Variants in MACROD2 observed in about 807,000 individuals in gnomAD.
MACROD2 encodes mono-ADP ribosylhydrolase 2.
A neutral mutation model predicts 70.4 loss-of-function variants in MACROD2; 36 were observed. That is an observed-to-expected ratio of 0.51 (90% CI 0.39 to 0.68). The LOEUF (loss-of-function observed/expected upper bound fraction) is 0.68, where lower values mean the gene tolerates loss of function less well. MACROD2 is among the 30% of genes least tolerant of loss of function. MACROD2 has a pLI of 0.00. For missense variants in MACROD2, 496 were observed against 538.4 expected (o/e 0.92, Z 0.78); for synonymous variants, 172 against 178.8 (o/e 0.96, Z 0.30).
intron 6 of MACROD2, among the ~76,000 whole-genome samples, chr20:15,291,877 T>C (rs540594648): frequency 6.6e-6 from 1 of 152,318 alleles, no homozygotes; most frequent in East Asian, 1.9e-4. Flanking sequence ...CTACTACTAA[T>C]AACCAATGCA....
At chr20:14,338,370 A>G (rs1457423547) in intron 3 of MACROD2, among the ~76,000 whole-genome samples, 3 of 152,182 alleles carry the variant, frequency 2.0e-5, no homozygotes, top group Non-Finnish European at 2.9e-5. Flanking sequence ...TCCATCTCCA[A>G]TATATGTATA....
chr20:15,980,861 G>A (rs1195447382), intron 13 of MACROD2, among the ~76,000 whole-genome samples: 13 of 152,092 alleles, frequency 8.5e-5, no homozygotes, highest in Admixed American at 4.6e-4. Context: ...AGGCTTGACC[G>A]GTTTTATTAG....
At chr20:14,752,131 A>G (rs2071880813) in intron 5 of MACROD2, among the ~76,000 whole-genome samples, 1 of 141,116 alleles carries the variant, frequency 7.1e-6, no homozygotes, top group African/African-American at 2.7e-5. Context: ...AGTGTTATCC[A>G]TGATTCTGGA....
chr20:14,371,983 C>T (rs1172138891), intron 3 of MACROD2, among the ~76,000 whole-genome samples: 1 of 152,124 alleles, frequency 6.6e-6, no homozygotes, highest in Non-Finnish European at 1.5e-5. Context: ...CCCCAGCATT[C>T]ATAATAGTTT....
chr20:14,429,618 G>T (rs1361899226), intron 3 of MACROD2, among the ~76,000 whole-genome samples: 1 of 152,162 alleles, frequency 6.6e-6, no homozygotes, highest in Non-Finnish European at 1.5e-5. Context: ...TTATAGCTGT[G>T]GATGGTTCTT....
chr20:15,873,677 A>T (rs2064619043), intron 9 of MACROD2, among the ~76,000 whole-genome samples: 1 of 152,032 alleles, frequency 6.6e-6, no homozygotes, highest in African/African-American at 2.4e-5. Context: ...TTTAAAATAT[A>T]TAAAAAAGAA....
At chr20:15,310,734 T>C (rs190424122) in intron 6 of MACROD2, among the ~76,000 whole-genome samples, 1 of 152,032 alleles carries the variant, frequency 6.6e-6, no homozygotes, top group African/African-American at 2.4e-5. Flanking sequence ...AGTCCTCAGA[T>C]AAGGGAAAGG....
chr20:14,096,148 AT>A (rs1446693064), intron 3 of MACROD2, among the ~76,000 whole-genome samples: 1 of 152,108 alleles, frequency 6.6e-6, no homozygotes, highest in Non-Finnish European at 1.5e-5. Context: ...AGAGTGGATT[AT>A]TTTTTCTCCA....
At chr20:15,302,045 T>A (rs1040248241) in intron 6 of MACROD2, among the ~76,000 whole-genome samples, 6 of 152,292 alleles carry the variant, frequency 3.9e-5, no homozygotes, top group African/African-American at 1.2e-4. Context: ...GGCAGATCTC[T>A]GAAACGTGGT....
At chr20:14,979,132 T>A (rs1005462468) in intron 5 of MACROD2, among the ~76,000 whole-genome samples, 135 of 129,780 alleles carry the variant, frequency 1.0e-3, no homozygotes, top group African/African-American at 3.4e-3. Context: ...TTTTTTTTTT[T>A]AATTTTTTGT....
At chr20:16,021,770 T>A (rs1251851531) in intron 15 of MACROD2, among the ~76,000 whole-genome samples, 1 of 152,156 alleles carries the variant, frequency 6.6e-6, no homozygotes, top group Admixed American at 6.5e-5. Flanking sequence ...GGCCAATAAG[T>A]CGGAGAATCA....
chr20:14,555,720 T>G (rs1483246721), intron 4 of MACROD2, among the ~76,000 whole-genome samples: 2 of 152,066 alleles, frequency 1.3e-5, no homozygotes, highest in African/African-American at 2.4e-5. Context: ...GGAAAGGGCA[T>G]GGACACTTTC....
chr20:14,593,255 T>G (rs1981902079), intron 4 of MACROD2, among the ~76,000 whole-genome samples: 1 of 152,212 alleles, frequency 6.6e-6, no homozygotes, highest in African/African-American at 2.4e-5. Context: ...TGGGCTAAGT[T>G]TCCTATAAAA....
intron 5 of MACROD2, among the ~76,000 whole-genome samples, chr20:15,031,536 C>A (rs904384024): frequency 6.6e-6 from 1 of 152,134 alleles, no homozygotes; most frequent in Non-Finnish European, 1.5e-5. Context: ...TCAGGCAGGT[C>A]GTCCTGATAA....
intron 3 of MACROD2, among the ~76,000 whole-genome samples, chr20:14,306,572 A>G (rs1231967073): frequency 2.0e-5 from 3 of 152,148 alleles, no homozygotes; most frequent in Non-Finnish European, 4.4e-5. Context: ...ACAGTAACAC[A>G]AATTTTAACA....
intron 8 of MACROD2, among the ~76,000 whole-genome samples, chr20:15,591,740 T>G (rs529553390): frequency 7.4e-4 from 112 of 152,314 alleles, no homozygotes; most frequent in African/African-American, 2.5e-3. Flanking sequence ...TTAATTACTT[T>G]AGGACCTATT....
intron 5 of MACROD2, among the ~76,000 whole-genome samples, chr20:14,842,078 A>C (rs745582768): frequency 1.6e-4 from 24 of 152,112 alleles, no homozygotes; most frequent in Non-Finnish European, 2.8e-4. Context: ...GTCCAAAATT[A>C]AAGGGCTGCA....
At chr20:16,047,800 A>G (rs185561223) in intron 17 of MACROD2, among the ~76,000 whole-genome samples, 70 of 152,350 alleles carry the variant, frequency 4.6e-4, no homozygotes, top group African/African-American at 1.6e-3. Flanking sequence ...TGATACAGAG[A>G]CAGGCCTTAT....
chr20:14,243,983 A>C (rs1044214824), intron 3 of MACROD2, among the ~76,000 whole-genome samples: 2 of 152,216 alleles, frequency 1.3e-5, no homozygotes, highest in African/African-American at 2.4e-5. Context: ...ATCTTATTGA[A>C]GACCAAATTA....
Sources: gnomAD v4.1 joint callset for allele counts (sites outside exome capture counted in the v4.1 genomes callset) on GRCh38, gnomAD v4.1.1 for gene constraint, MANE v1.5 for transcripts, NCBI Gene and HGNC (gene_info 2026-07-23, HGNC 2026-07-21) for gene names.